ACER3: variants seen among roughly 807,000 people sequenced by gnomAD.
ACER3 encodes the protein alkCDase 3.
A neutral mutation model predicts 48.9 loss-of-function variants in ACER3; 16 were observed. That is an observed-to-expected ratio of 0.33 (90% CI 0.22 to 0.50). The LOEUF (loss-of-function observed/expected upper bound fraction) is 0.50, where lower values mean the gene tolerates loss of function less well. Among genes scored for constraint, ACER3 ranks in the 20% least tolerant of loss-of-function variants. The pLI is 0.98. For synonymous variants in ACER3, 109 were observed against 107.8 expected, an observed-to-expected ratio of 1.01 and a Z score of -0.07; for missense variants, 227 against 326.0, an observed-to-expected ratio of 0.70 and a Z score of 2.34.
At chr11:76,967,438 A>G (rs1948168803) in intron 3 of ACER3, among the ~76,000 whole-genome samples, 1 of 152,186 alleles carries the variant, frequency 6.6e-6, no homozygotes, top group African/African-American at 2.4e-5. Context: ...AAAAGAGGGA[A>G]TCCTCCCTAA....
intron 1 of ACER3, among the ~76,000 whole-genome samples, chr11:76,912,647 T>C (rs560767110): frequency 1.3e-5 from 2 of 152,160 alleles, no homozygotes; most frequent in Non-Finnish European, 2.9e-5. Flanking sequence ...TGGGGAATCC[T>C]GAGTCTTGGT....
At chr11:76,906,464 A>C (rs1056562586) in intron 1 of ACER3, among the ~76,000 whole-genome samples, 8 of 152,160 alleles carry the variant, frequency 5.3e-5, no homozygotes, top group Non-Finnish European at 1.2e-4. Flanking sequence ...CCACACCCCT[A>C]TGATTGTATC....
chr11:76,879,174 AT>A (rs1215709359), intron 1 of ACER3, among the ~76,000 whole-genome samples: 1 of 152,022 alleles, frequency 6.6e-6, no homozygotes, highest in Non-Finnish European at 1.5e-5. Flanking sequence ...AGTCTAATTG[AT>A]CAGCTTTTTC....
chr11:76,972,329 C>G (rs1164082943), intron 3 of ACER3, among the ~76,000 whole-genome samples: 2 of 152,168 alleles, frequency 1.3e-5, no homozygotes, highest in African/African-American at 4.8e-5. Flanking sequence ...ATTTGCATTT[C>G]CTTAATGACT....
chr11:76,918,891 A>G (rs1257502628), intron 1 of ACER3, among the ~76,000 whole-genome samples: 3 of 152,166 alleles, frequency 2.0e-5, no homozygotes, highest in Non-Finnish European at 2.9e-5. Context: ...TGATCTCCCT[A>G]TCTACATCCA....
At chr11:76,886,593 A>T (rs992740632) in intron 1 of ACER3, among the ~76,000 whole-genome samples, 1 of 152,190 alleles carries the variant, frequency 6.6e-6, no homozygotes, top group Non-Finnish European at 1.5e-5. Context: ...TCATAGTGGG[A>T]GACTAGGATT....
chr11:76,963,216 G>T (rs1454297020), intron 3 of ACER3, among the ~76,000 whole-genome samples: 2 of 151,226 alleles, frequency 1.3e-5, no homozygotes, highest in Non-Finnish European at 2.9e-5. Flanking sequence ...GAGGGAGGAG[G>T]GGGGCTTACT....
chr11:77,014,979 A>T, intron 7 of ACER3, 37 bp from the exon 8 acceptor site: 1 of 1,291,122 alleles, frequency 7.7e-7, no homozygotes, highest in Non-Finnish European at 1.1e-6. Flanking sequence ...ATGACTTGAG[A>T]AAATTTTATT....
intron 7 of ACER3, among the ~76,000 whole-genome samples, chr11:77,010,084 C>T (rs1178030671): frequency 1.3e-5 from 2 of 151,854 alleles, no homozygotes; most frequent in Non-Finnish European, 2.9e-5. Flanking sequence ...TGTCTTTCAG[C>T]CTCAGTTTTA....
intron 1 of ACER3, among the ~76,000 whole-genome samples, chr11:76,910,721 G>C (rs555709110): frequency 6.6e-6 from 1 of 152,232 alleles, no homozygotes; most frequent in South Asian, 2.1e-4. Context: ...ACCTCTTAAA[G>C]TAAGACATTA....
intron 1 of ACER3, among the ~76,000 whole-genome samples, chr11:76,896,547 T>G (rs946023565): frequency 1.3e-5 from 2 of 151,820 alleles, no homozygotes; most frequent in African/African-American, 4.8e-5. Flanking sequence ...CTCACTACTG[T>G]CCCACTAAGT....
intron 6 of ACER3, among the ~76,000 whole-genome samples, chr11:76,992,757 A>T (rs539270419): frequency 6.6e-6 from 1 of 152,240 alleles, no homozygotes; most frequent in Admixed American, 6.5e-5. Context: ...TATGATCTAC[A>T]TACAGTCAAG....
intron 1 of ACER3, among the ~76,000 whole-genome samples, chr11:76,912,043 A>G (rs533746916): frequency 1.3e-5 from 2 of 152,326 alleles, no homozygotes; most frequent in African/African-American, 2.4e-5. Flanking sequence ...TGGTTGTATA[A>G]TGTCTCCCCA....
intron 6 of ACER3, chr11:76,998,417 A>G (rs1948959354): frequency 4.0e-6 from 1 of 251,504 alleles, no homozygotes; most frequent in Non-Finnish European, 7.5e-6. Context: ...GTATTTGCTG[A>G]AAGCAAAGCT....
intron 6 of ACER3, among the ~76,000 whole-genome samples, chr11:76,993,307 A>C (rs1413654338): frequency 6.6e-6 from 1 of 152,160 alleles, no homozygotes; most frequent in Non-Finnish European, 1.5e-5. Context: ...GTAACCTCCT[A>C]AGTTTGAGGA....
intron 3 of ACER3, among the ~76,000 whole-genome samples, chr11:76,972,620 T>G (rs1323208992): frequency 6.6e-6 from 1 of 152,246 alleles, no homozygotes; most frequent in African/African-American, 2.4e-5. Context: ...TGAAGCATCT[T>G]TTCTGTGACA....
intron 1 of ACER3, among the ~76,000 whole-genome samples, chr11:76,901,431 C>G (rs1005751629): frequency 6.6e-6 from 1 of 152,122 alleles, no homozygotes; most frequent in African/African-American, 2.4e-5. Flanking sequence ...CTTTTCCCTT[C>G]AAGACTTGGG....
chr11:76,976,970 A>G (rs1437920225), intron 4 of ACER3, among the ~76,000 whole-genome samples: 5 of 152,246 alleles, frequency 3.3e-5, no homozygotes. Flanking sequence ...GAAAAAATCA[A>G]TCTTGAAAGA....
intron 9 of ACER3, among the ~76,000 whole-genome samples, chr11:77,019,287 C>T (rs537975812): frequency 3.7e-4 from 56 of 152,248 alleles, no homozygotes; most frequent in African/African-American, 1.3e-3. Flanking sequence ...GGTGAAACCC[C>T]GTCTCTATTA....
Sources: gnomAD v4.1 joint callset for allele counts (sites outside exome capture counted in the v4.1 genomes callset) on GRCh38, gnomAD v4.1.1 for gene constraint, MANE v1.5 for transcripts, NCBI Gene and HGNC (gene_info 2026-07-23, HGNC 2026-07-21) for gene names.